Variants in MEF2A observed in about 807,000 individuals in gnomAD.
MEF2A encodes myocyte enhancer factor 2A.
A neutral mutation model predicts 55.8 loss-of-function variants in MEF2A; 28 were observed. The ratio of observed to expected loss-of-function variants is 0.50; its 90% CI spans 0.37 to 0.69. The LOEUF is 0.69. Ranked by LOEUF, MEF2A falls within the 30% of genes least tolerant of loss-of-function variation. MEF2A has a pLI of 0.00. For synonymous variants in MEF2A, 239 were observed against 227.1 expected, an observed-to-expected ratio of 1.05 and a Z score of -0.47; for missense variants, 528 against 626.2, an observed-to-expected ratio of 0.84 and a Z score of 1.67.
intron 1 of MEF2A, among the ~76,000 whole-genome samples, 160 bp downstream of exon 1, chr15:99,566,264 C>T (rs1280658300): frequency 7.2e-4 from 70 of 97,566 alleles, no homozygotes; most frequent in African/African-American, 2.8e-3. Context: ...GACCCCTGGA[C>T]GAGGCCGTGT....
At chr15:99,670,438 C>A (rs1348638631) in intron 4 of MEF2A, among the ~76,000 whole-genome samples, 1 of 151,992 alleles carries the variant, frequency 6.6e-6, no homozygotes, top group African/African-American at 2.4e-5. Flanking sequence ...GAAACCCCAT[C>A]TCTACTAAAA....
intron 11 of MEF2A, 44 bp downstream of exon 11, chr15:99,710,804 C>T (rs1220282272): frequency 1.3e-6 from 2 of 1,577,446 alleles, no homozygotes; most frequent in South Asian, 1.1e-5. Context: ...TCCTGGCCTA[C>T]ACACTCTCTT....
Position 99,674,477 on chromosome 15 carries a change from A to T in MEF2A, c.475A>T (p.Ser159Cys). ...PNALSYTNPG[S>C]SLVSPSLAAS... Reference sequence around the variant, plus strand: ...TGCTTTGTCCTACACTAACCCAGGGAGTTCACTGGTGTCCCCATCTTTGGC... The same window carrying T: ...TGCTTTGTCCTACACTAACCCAGGGTGTTCACTGGTGTCCCCATCTTTGGC... The change falls in exon 6 of 12, where the codon AGT becomes TGT. Residue 159 changes from serine to cysteine, a missense_variant. This residue lies in a region of MEF2A where 450 missense variants were observed against 475.3 expected (regional missense o/e 0.95). Transcript: ENST00000557942. 6.2e-7 allele frequency: 1 copy of T among 1,613,952 alleles called. No homozygotes were observed. Among genetic ancestry groups the T allele is most frequent in the Non-Finnish European group, 8.5e-7 (1 of 1,179,876 alleles).
intron 1 of MEF2A, among the ~76,000 whole-genome samples, chr15:99,583,308 G>C (rs1004239867): frequency 3.9e-5 from 6 of 152,120 alleles, no homozygotes; most frequent in Admixed American, 1.3e-4. Flanking sequence ...ACTTTAGGAA[G>C]TTGGTGAATA....
At chr15:99,593,672 C>T (rs941658105) in intron 1 of MEF2A, among the ~76,000 whole-genome samples, 3 of 152,120 alleles carry the variant, frequency 2.0e-5, no homozygotes, top group Non-Finnish European at 1.5e-5. Context: ...CAGAAGCATC[C>T]AGTGAAATTT....
intron 1 of MEF2A, among the ~76,000 whole-genome samples, chr15:99,577,969 C>G (rs1964819026): frequency 6.6e-6 from 1 of 152,154 alleles, no homozygotes. Flanking sequence ...ATGTCACTGT[C>G]TTATTACTAA....
chr15:99,609,638 T>C (rs1416485465), intron 2 of MEF2A, among the ~76,000 whole-genome samples: 1 of 152,208 alleles, frequency 6.6e-6, no homozygotes, highest in Non-Finnish European at 1.5e-5. Flanking sequence ...CTCAGGCTAA[T>C]TTAGAATTTG....
intron 2 of MEF2A, among the ~76,000 whole-genome samples, chr15:99,627,418 T>TA: frequency 2.2e-5 from 1 of 45,842 alleles, no homozygotes; most frequent in Non-Finnish European, 3.3e-5. Flanking sequence ...AGACTTTATC[T>TA]CAAAAAAAAA....
chr15:99,568,883 A>G (rs756761904), intron 1 of MEF2A, among the ~76,000 whole-genome samples: 28 of 152,202 alleles, frequency 1.8e-4, no homozygotes, highest in Non-Finnish European at 2.9e-4. Flanking sequence ...CTTTTATGCG[A>G]TGACACTATG....
At chr15:99,651,158 C>T (rs746217856) in intron 4 of MEF2A, among the ~76,000 whole-genome samples, 1 of 152,134 alleles carries the variant, frequency 6.6e-6, no homozygotes, top group African/African-American at 2.4e-5. Flanking sequence ...TTCGATTCCA[C>T]ATGGTTATAA....
intron 7 of MEF2A, among the ~76,000 whole-genome samples, chr15:99,684,946 G>A (rs2053930632): frequency 6.6e-6 from 1 of 152,112 alleles, no homozygotes; most frequent in African/African-American, 2.4e-5. Context: ...TGCTGAATAG[G>A]GTGTCTTTTC....
chr15:99,641,446 G>T (rs1445771345), intron 3 of MEF2A, among the ~76,000 whole-genome samples: 1 of 152,080 alleles, frequency 6.6e-6, no homozygotes, highest in Non-Finnish European at 1.5e-5. Context: ...CTTCTCGGCC[G>T]GGCGCGTTGG....
intron 2 of MEF2A, among the ~76,000 whole-genome samples, chr15:99,612,840 T>C (rs894458212): frequency 2.0e-5 from 3 of 152,146 alleles, no homozygotes; most frequent in Non-Finnish European, 4.4e-5. Context: ...TCTCCCTACT[T>C]TGGTGTGTTG....
chr15:99,676,435 C>T (rs771106509), intron 7 of MEF2A, among the ~76,000 whole-genome samples: 2 of 151,494 alleles, frequency 1.3e-5, no homozygotes, highest in Non-Finnish European at 2.9e-5. Flanking sequence ...AAGTTCAGGG[C>T]CCACCAAGAA....
At chr15:99,701,376 T>TCAAAACAAGTTGTCAAGGTCATG (rs534573741) in intron 8 of MEF2A, among the ~76,000 whole-genome samples, 7 of 152,184 alleles carry the variant, frequency 4.6e-5, no homozygotes, top group Admixed American at 1.3e-4. Context: ...CAGCACTCTT[T>TCAAAACAAGTTGTCAAGGTCATG]CAAAACAAGT....
chr15:99,624,987 G>A lies in MEF2A; in HGVS notation c.-142-7991G>A, dbSNP rs532949592. 6.6e-5 allele frequency among the ~76,000 whole-genome samples: 10 copies of A among 152,238 alleles called. No homozygotes were observed. The East Asian group carries it at 1.7e-3, about 26-fold the overall frequency. On this transcript the variant is annotated intron_variant, in intron 2 of 11. Coordinates refer to ENST00000557942, the MANE Select transcript of MEF2A (RefSeq NM_001319206.4). ...TGAAAGTGTTGAATTAATTACATGA[G>A]GTAGTCAACACTTTATTTTAAAATA...
chr15:99,676,338 T>G (rs1048458965), intron 7 of MEF2A, among the ~76,000 whole-genome samples: 14 of 151,828 alleles, frequency 9.2e-5, no homozygotes, highest in African/African-American at 3.4e-4. Context: ...ATATTTATGG[T>G]TTTTTTTCAG....
intron 2 of MEF2A, among the ~76,000 whole-genome samples, chr15:99,617,918 A>G (rs1284049733): frequency 1.3e-5 from 2 of 152,192 alleles, no homozygotes; most frequent in African/African-American, 2.4e-5. Context: ...ACCCAAAGGA[A>G]TATGAATTGT....
intron 2 of MEF2A, among the ~76,000 whole-genome samples, chr15:99,631,006 TCTCCGCC>T (rs1235048559): frequency 1.3e-5 from 2 of 152,224 alleles, no homozygotes; most frequent in Admixed American, 6.5e-5. Flanking sequence ...TTCTTCCAGA[TCTCCGCC>T]CTGCAGATTC....
Sources: allele counts gnomAD v4.1 joint callset (sites outside exome capture counted in the v4.1 genomes callset), GRCh38; gene constraint gnomAD v4.1.1; regional missense constraint gnomAD v4.1.1; transcripts MANE v1.5; gene names NCBI Gene and HGNC (gene_info 2026-07-23, HGNC 2026-07-21).